Variants in RPS6KA2 observed in about 807,000 individuals in gnomAD.
RPS6KA2 encodes ribosomal protein S6 kinase A2.
RPS6KA2 carries 42 observed loss-of-function variants against 91.8 expected under a neutral mutation model. The ratio of observed to expected loss-of-function variants is 0.46; its 90% CI spans 0.36 to 0.59. The LOEUF is 0.59. Among genes scored for constraint, RPS6KA2 ranks in the 20% least tolerant of loss-of-function variants. RPS6KA2 has a pLI of 0.00. For missense variants in RPS6KA2, 798 were observed against 978.5 expected (o/e 0.82, Z 2.46); for synonymous variants, 414 against 393.6 (o/e 1.05, Z -0.61).
chr6:166,764,957 C>T (rs2128604636), intron 2 of RPS6KA2, among the ~76,000 whole-genome samples: 1 of 152,382 alleles, frequency 6.6e-6, no homozygotes, highest in Middle Eastern at 3.4e-3. Flanking sequence ...GTTCTGTCCT[C>T]TCATCATATG....
Position 166,702,174 on chromosome 6 carries a change from G to A in RPS6KA2, c.123+156026C>T, listed in dbSNP as rs557114972. 686 of 1,600,586 alleles carry A rather than the reference G, an allele frequency of 4.3e-4. 2 individuals are homozygous for A. The highest frequency in any genetic ancestry group is 1.2e-3 in the Admixed American group (71 of 60,016). On this transcript the variant is annotated intron_variant, in intron 2 of 21. Transcript: ENST00000503859. ...GACTGGGTCTGTTTGGTGATGTTCCGAATGGTGGCACCTTCTTTTCCTATA... is the reference window on the plus strand; with the variant it reads ...GACTGGGTCTGTTTGGTGATGTTCCAAATGGTGGCACCTTCTTTTCCTATA...
At chr6:166,513,327 C>G (rs1168166899) in intron 3 of RPS6KA2, among the ~76,000 whole-genome samples, 2 of 152,172 alleles carry the variant, frequency 1.3e-5, no homozygotes, top group African/African-American at 4.8e-5. Context: ...GTTCCTAATC[C>G]CTTGAGACCA....
chr6:166,507,083 C>A (rs1432911457), intron 5 of RPS6KA2, among the ~76,000 whole-genome samples: 1 of 151,950 alleles, frequency 6.6e-6, no homozygotes, highest in Non-Finnish European at 1.5e-5. Flanking sequence ...AGGTGGCGTG[C>A]GAAGACCACA....
At chr6:166,690,551 G>A (rs1466170538) in intron 2 of RPS6KA2, among the ~76,000 whole-genome samples, 2 of 152,168 alleles carry the variant, frequency 1.3e-5, no homozygotes, top group African/African-American at 2.4e-5. Context: ...CTATGAGCTC[G>A]AAGACACGCG....
intron 10 of RPS6KA2, among the ~76,000 whole-genome samples, chr6:166,481,617 C>T (rs1398066905): frequency 6.7e-6 from 1 of 150,334 alleles, no homozygotes; most frequent in African/African-American, 2.5e-5. Flanking sequence ...AGAGTGGAGG[C>T]CTTTGCTGAG....
intron 2 of RPS6KA2, among the ~76,000 whole-genome samples, chr6:166,711,799 AGAG>A (rs1316133702): frequency 6.6e-6 from 1 of 152,046 alleles, no homozygotes; most frequent in African/African-American, 2.4e-5. Flanking sequence ...AGAGAGAGAG[AGAG>A]ACAGAGGAGA....
chr6:166,423,576 C>T lies in RPS6KA2; in HGVS notation c.1582-159G>A, dbSNP rs556755722. Among the ~76,000 whole-genome samples, 1 of 152,210 alleles carries T rather than the reference C, an allele frequency of 6.6e-6. No individual in the cohort carries two copies. The highest frequency in any genetic ancestry group is 1.5e-5 in the Non-Finnish European group (1 of 68,024). ...ACAGTGTCAACAGCTGCTGTCTTCT[C>T]CAGAGGGCCCCCCACCTTCTCCCAT... On this transcript the variant is annotated intron_variant, in intron 16 of 20. Transcript: ENST00000265678. This position sits in a 1 kb window ranked among gnomAD's most constrained non-coding sequence, Gnocchi z 4.8.
At chr6:166,651,305 G>A (rs1000391413) in intron 2 of RPS6KA2, among the ~76,000 whole-genome samples, 1 of 152,166 alleles carries the variant, frequency 6.6e-6, no homozygotes, top group African/African-American at 2.4e-5. Context: ...TGGATCATGT[G>A]GGCAGCAATT....
chr6:166,779,039 T>C (rs1052286084), intron 2 of RPS6KA2, among the ~76,000 whole-genome samples: 5 of 152,220 alleles, frequency 3.3e-5, no homozygotes, highest in African/African-American at 4.8e-5. Context: ...TTGACGTGTC[T>C]AGACAGGGAG....
intron 2 of RPS6KA2, among the ~76,000 whole-genome samples, chr6:166,535,073 G>A (rs898887886): frequency 5.3e-5 from 8 of 152,136 alleles, no homozygotes; most frequent in Non-Finnish European, 7.4e-5. Flanking sequence ...CTGTAACCTC[G>A]AGCTAACGCA....
At position 166,437,209 on chromosome 6, in the gene RPS6KA2, A is replaced by G. The variant is rs1779352251; in HGVS notation, c.1333-4719T>C. 6.6e-6 allele frequency among the ~76,000 whole-genome samples: 1 copy of G among 151,894 alleles called. No individual in the cohort carries two copies. The highest frequency in any genetic ancestry group is 2.1e-4 in the South Asian group (1 of 4,798). ...GACACACTGTTTAGGAGCACCAGGG[A>G]GTGGGCCCCAAGTGCCTGCCAGCGC... On this transcript the variant is annotated intron_variant, in intron 14 of 20. Transcript: ENST00000265678. The surrounding 1 kb of genome is among the most constrained non-coding windows in gnomAD (Gnocchi z 4.3).
intron 2 of RPS6KA2, among the ~76,000 whole-genome samples, chr6:166,692,587 T>TA (rs1303387235): frequency 1.3e-5 from 2 of 151,986 alleles, no homozygotes; most frequent in South Asian, 2.1e-4. Context: ...AATTGGATGC[T>TA]AAAAAAACCT....
chr6:166,565,028 C>G (rs73257240), intron 1 of RPS6KA2, among the ~76,000 whole-genome samples: 4,971 of 152,226 alleles, frequency 0.033, 280 homozygotes, highest in African/African-American at 0.11. Context: ...GAGTCTACAG[C>G]CAGGAGGGAA....
chr6:166,499,306 T>C (rs1437982309), intron 7 of RPS6KA2, among the ~76,000 whole-genome samples: 2 of 152,142 alleles, frequency 1.3e-5, no homozygotes. Flanking sequence ...CGTGGCTAAA[T>C]AGAGCCAAGG....
In RPS6KA2 at chr6:166,732,338, A is replaced by G. The variant is rs1181523859; in HGVS notation, c.123+125862T>C. Reference sequence around the variant, plus strand: ...TGAAGCATTCTCAGAAATATCTCAGAAAAGTCCACCATGAAGCCAGTGGCA... The same window carrying G: ...TGAAGCATTCTCAGAAATATCTCAGGAAAGTCCACCATGAAGCCAGTGGCA... On this transcript the variant is annotated intron_variant, in intron 2 of 21. Coordinates refer to the RPS6KA2 transcript ENST00000503859. The surrounding 1 kb of genome is among the most constrained non-coding windows in gnomAD (Gnocchi z 4.0). Among the ~76,000 whole-genome samples, 1 of 152,190 alleles carries G rather than the reference A, an allele frequency of 6.6e-6. No homozygotes were observed. The highest frequency in any genetic ancestry group is 1.9e-4 in the East Asian group (1 of 5,194).
At chr6:166,496,819 G>A (rs1052384281) in intron 8 of RPS6KA2, among the ~76,000 whole-genome samples, 3 of 152,228 alleles carry the variant, frequency 2.0e-5, no homozygotes, top group Non-Finnish European at 4.4e-5. Context: ...GTTCTCAGGA[G>A]GGGGTTTAAG....
chr6:166,735,673 T>C (rs1032558583), intron 2 of RPS6KA2, among the ~76,000 whole-genome samples: 57 of 148,576 alleles, frequency 3.8e-4, no homozygotes, highest in Admixed American at 1.4e-3. Context: ...CAGTTCACAA[T>C]AGGGTTCAAG....
chr6:166,820,289 C>T (rs1275678375), intron 2 of RPS6KA2, among the ~76,000 whole-genome samples: 1 of 152,226 alleles, frequency 6.6e-6, no homozygotes, highest in Admixed American at 6.5e-5. Flanking sequence ...CAACTCCTAA[C>T]CATCCACAGA....
rs1017210138 is a variant in RPS6KA2 at position 166,455,719 on chromosome 6, G to C, written c.1075+3730C>G. 7.2e-5 allele frequency among the ~76,000 whole-genome samples: 11 copies of C among 152,234 alleles called. No homozygotes were observed. The East Asian group carries it at 9.6e-4, about 13-fold the overall frequency. On this transcript the variant is annotated intron_variant, in intron 12 of 20. Coordinates refer to ENST00000265678, the MANE Select transcript of RPS6KA2 (RefSeq NM_021135.6). The stretch of plus-strand genomic sequence containing the variant: ...TTCGCGGCACACGGAGCCGCTCGAG[G>C]AGGAGGCGCTCCTGCTACACCCGGT...
Sources: gnomAD v4.1 joint callset for allele counts (sites outside exome capture counted in the v4.1 genomes callset) on GRCh38, gnomAD v4.1.1 for gene constraint, Gnocchi (gnomAD v3.1) non-coding constraint, MANE v1.5 for transcripts, NCBI Gene and HGNC (gene_info 2026-07-23, HGNC 2026-07-21) for gene names.